The following TOP2B variants were observed in gnomAD, a reference collection of about 807,000 sequenced individuals.
TOP2B encodes the protein DNA topoisomerase II beta, also known as DNA topoisomerase 2-beta.
Under a neutral mutation model 193.5 loss-of-function variants are expected in TOP2B, and 51 were observed. The observed-to-expected ratio is 0.26, with a 90% confidence interval of 0.21 to 0.33. The LOEUF is 0.33. Among genes scored for constraint, TOP2B ranks in the 10% least tolerant of loss-of-function variants. The pLI is 1.00. For missense variants in TOP2B, 1,378 were observed against 1,909.3 expected (o/e 0.72, Z 5.19); for synonymous variants, 634 against 635.7 (o/e 1.00, Z 0.04).
At chr3:25,611,685 T>C (rs749944405) in intron 28 of TOP2B, among the ~76,000 whole-genome samples, 6 of 147,750 alleles carry the variant, frequency 4.1e-5, no homozygotes, top group Non-Finnish European at 6.0e-5. Flanking sequence ...GTCAACGCCA[T>C]TTTTTTTTTT....
chr3:25,662,753 A>C (rs1703954594), intron 1 of TOP2B, among the ~76,000 whole-genome samples: 1 of 152,212 alleles, frequency 6.6e-6, no homozygotes, highest in African/African-American at 2.4e-5. Flanking sequence ...ACGGAGCAAA[A>C]TGTTTACCAT....
intron 25 of TOP2B, among the ~76,000 whole-genome samples, chr3:25,616,320 A>C (rs867969441): frequency 4.3e-4 from 66 of 151,790 alleles, no homozygotes; most frequent in African/African-American, 1.6e-3. Flanking sequence ...ATAGCCATTA[A>C]ATAAAATTTT....
In TOP2B at chr3:25,635,986, C is replaced by A; in HGVS notation, c.802G>T (p.Ala268Ser). 1.2e-6 allele frequency: 2 copies of A among 1,613,398 alleles called. No homozygotes were observed. Among genetic ancestry groups the A allele is most frequent in the Non-Finnish European group, 1.7e-6 (2 of 1,179,464 alleles). Residue 268 changes from alanine (A) to serine (S), a missense_variant, in exon 7 of 36, where the codon GCT becomes TCT. Ala to Ser is a moderately conservative substitution (Grantham distance 99). Transcript: ENST00000264331. Reference protein sequence around the residue: ...ALMTRRAYDLAGSCRGVKVMF... With the variant: ...ALMTRRAYDLSGSCRGVKVMF... ...ACCTTGACCCCTCTACACGAACCAG[C>A]CAAATCATATGCCCTTCTAGTCATG...
In TOP2B at chr3:25,637,330, T is replaced by C. The variant is rs372063024; in HGVS notation, c.542-18A>G. 3 of 1,518,534 alleles carry C rather than the reference T, an allele frequency of 2.0e-6. No homozygotes were observed. The highest frequency in any genetic ancestry group is 2.1e-5 in the Admixed American group (1 of 48,458). 94.1% of individuals were successfully genotyped at this position (1,518,534 alleles called of 1,614,324 possible). A position where few individuals can be genotyped will look rare whatever the true frequency, so the allele number is the denominator to read the frequency against. On this transcript the variant is annotated intron_variant, in intron 5 of 35. Transcript: ENST00000264331. Reference sequence around the variant, plus strand: ...ACGACCACCTGTAAGAAAAATTAAATGTAAAAGGTTTAGTAAAAATGATTT... The same window carrying C: ...ACGACCACCTGTAAGAAAAATTAAACGTAAAAGGTTTAGTAAAAATGATTT...
At chr3:25,655,210 C>G (rs568281935) in intron 1 of TOP2B, among the ~76,000 whole-genome samples, 1 of 151,988 alleles carries the variant, frequency 6.6e-6, no homozygotes, top group East Asian at 1.9e-4. Flanking sequence ...ACAAAATAAC[C>G]CCATTCAAAT....
At chr3:25,601,551 C>T (rs1379311064) in intron 33 of TOP2B, among the ~76,000 whole-genome samples, 3 of 151,968 alleles carry the variant, frequency 2.0e-5, no homozygotes, top group East Asian at 3.9e-4. Flanking sequence ...CCCGGGAGGT[C>T]GCAGTGAGCT....
chr3:25,652,145 T>C (rs1409953370), intron 1 of TOP2B, among the ~76,000 whole-genome samples: 1 of 152,192 alleles, frequency 6.6e-6, no homozygotes, highest in Non-Finnish European at 1.5e-5. Flanking sequence ...CAGTAAGATA[T>C]GCATCTAACA....
At position 25,627,025 on chromosome 3, in the gene TOP2B, T is replaced by A. The variant is rs139306181; in HGVS notation, c.2017-161A>T. On this transcript the variant is annotated intron_variant, in intron 16 of 35. Coordinates refer to ENST00000264331, the MANE Select transcript of TOP2B (RefSeq NM_001330700.2). ...ACACATTTAAACTAAGGTCTTTCAA[T>A]TAAAGAAGTTTATACAAGCACAGCA... is the stretch of plus-strand genomic sequence containing the variant. 5.4e-4 allele frequency: 374 copies of A among 688,012 alleles called. 5 individuals carry two copies. In the South Asian group the frequency reaches 7.5e-3, roughly 14 times the overall value. The allele number at this position is 688,012 out of a possible 1,614,324, so 42.6% of individuals were successfully genotyped here.
intron 3 of TOP2B, among the ~76,000 whole-genome samples, chr3:25,643,271 G>T (rs1003508689): frequency 6.6e-6 from 1 of 152,142 alleles, no homozygotes; most frequent in Non-Finnish European, 1.5e-5. Context: ...TACAGCAATG[G>T]TTATTACACT....
chr3:25,611,105 T>C (rs1452878927), intron 28 of TOP2B, among the ~76,000 whole-genome samples: 1 of 152,150 alleles, frequency 6.6e-6, no homozygotes, highest in African/African-American at 2.4e-5. Flanking sequence ...GGCTATGAGC[T>C]TGGCACTCCT....
At chr3:25,626,262 C>T (rs944984249) in intron 18 of TOP2B, among the ~76,000 whole-genome samples, 1 of 151,934 alleles carries the variant, frequency 6.6e-6, no homozygotes, top group Admixed American at 6.6e-5. Context: ...TTCCATTTTA[C>T]TTTTTTAGAA....
intron 1 of TOP2B, among the ~76,000 whole-genome samples, chr3:25,653,978 C>A (rs1178538696): frequency 6.6e-6 from 1 of 152,126 alleles, no homozygotes; most frequent in African/African-American, 2.4e-5. Context: ...AAGCAATACA[C>A]ACAAAGCCAA....
At chr3:25,618,039 C>T (rs912837641) in intron 25 of TOP2B, 6 of 184,624 alleles carry the variant, frequency 3.2e-5, no homozygotes, top group South Asian at 1.4e-4. Flanking sequence ...GGATGCCATA[C>T]TGTGAACATA....
At chr3:25,651,078 T>C (rs1333774198) in intron 1 of TOP2B, among the ~76,000 whole-genome samples, 1 of 152,226 alleles carries the variant, frequency 6.6e-6, no homozygotes, top group Admixed American at 6.5e-5. Context: ...CATAGTTTTC[T>C]CATAATACAC....
In TOP2B at chr3:25,630,153, A is replaced by T. The variant is rs1559500847; in HGVS notation, c.1565T>A (p.Ile522Asn). Residue 522 changes from isoleucine (I) to asparagine (N), a missense_variant and splice_region_variant, in exon 13 of 36, where the codon ATC becomes AAC. Physicochemically the swap from Ile to Asn is moderately radical, Grantham distance 149 (BLOSUM62 -3). Coordinates refer to ENST00000264331, the MANE Select transcript of TOP2B (RefSeq NM_001330700.2). Reference sequence around the variant, plus strand: ...ATTATTTATTTCAGCATTTTCCATGATCTGTTCAAAAAGGAAAAGCACTGA... The same window carrying T: ...ATTATTTATTTCAGCATTTTCCATGTTCTGTTCAAAAAGGAAAAGCACTGA... ...LNVREASHKQIMENAEINNII... is the reference protein window; with the variant it reads ...LNVREASHKQNMENAEINNII... 6.5e-7 allele frequency: 1 copy of T among 1,544,412 alleles called. No individual in the cohort carries two copies.
At chr3:25,631,086 A>C (rs962873701) in intron 10 of TOP2B, 147 bp from the exon 11 acceptor site, 1 of 544,468 alleles carries the variant, frequency 1.8e-6, no homozygotes, top group African/African-American at 2.0e-5. Context: ...ATCATGATAC[A>C]TGCTAATCAG....
chr3:25,628,773 G>A, intron 15 of TOP2B, 74 bp downstream of exon 15: 1 of 924,488 alleles, frequency 1.1e-6, no homozygotes, highest in Non-Finnish European at 1.6e-6. Flanking sequence ...AAACTTTCAA[G>A]TCATCTTTTA....
intron 32 of TOP2B, among the ~76,000 whole-genome samples, chr3:25,605,399 C>A (rs1702210641): frequency 6.6e-6 from 1 of 152,056 alleles, no homozygotes; most frequent in African/African-American, 2.4e-5. Flanking sequence ...CACCATAGCA[C>A]AAACTTTTAA....
intron 10 of TOP2B, among the ~76,000 whole-genome samples, chr3:25,631,871 G>A (rs1224949427): frequency 6.6e-6 from 1 of 152,034 alleles, no homozygotes; most frequent in East Asian, 1.9e-4. Flanking sequence ...TTTGGAATTT[G>A]AGAAATACAT....
Sources: allele counts gnomAD v4.1 joint callset (sites outside exome capture counted in the v4.1 genomes callset), GRCh38; gene constraint gnomAD v4.1.1; transcripts MANE v1.5; gene names NCBI Gene and HGNC (gene_info 2026-07-23, HGNC 2026-07-21).